Variants in EVL observed in about 807,000 individuals in gnomAD.
EVL encodes the protein ena/VASP-like protein.
A neutral mutation model predicts 59.6 loss-of-function variants in EVL; 21 were observed. The ratio of observed to expected loss-of-function variants is 0.35; its 90% CI spans 0.25 to 0.51. The LOEUF is 0.51. Among genes scored for constraint, EVL ranks in the 20% least tolerant of loss-of-function variants. The pLI is 0.97. For missense variants in EVL, 462 were observed against 546.6 expected (o/e 0.85, Z 1.54); for synonymous variants, 198 against 203.5 (o/e 0.97, Z 0.23).
At chr14:100,068,648 C>T (rs1367658305) in intron 1 of EVL, among the ~76,000 whole-genome samples, 2 of 152,128 alleles carry the variant, frequency 1.3e-5, no homozygotes, top group African/African-American at 4.8e-5. Context: ...CAGGAAGTGC[C>T]GTGGTGCTGT....
chr14:99,974,887 G>T (rs1191030), intron 1 of EVL: 54,602 of 152,374 alleles, frequency 0.36, 13,582 homozygotes, highest in African/African-American at 0.71. Flanking sequence ...AAACTCATTC[G>T]TGAGGGTTGC....
chr14:100,053,076 AC>A (rs1390075721), intron 1 of EVL: 2 of 151,986 alleles, frequency 1.3e-5, no homozygotes, highest in African/African-American at 4.8e-5. Flanking sequence ...TCAGGGCCCT[AC>A]CCTTAGGAGC....
chr14:100,065,476 T>C lies in EVL; in HGVS notation c.-25T>C. Reference sequence around the variant, plus strand: ...GAGTACAGGACTCGCCTCCTCAGGGTTCCCTGTGCTGCCACTTTTCAGCCA... The same window carrying C: ...GAGTACAGGACTCGCCTCCTCAGGGCTCCCTGTGCTGCCACTTTTCAGCCA... On this transcript the variant is annotated 5_prime_UTR_variant, in exon 1 of 14. Coordinates refer to ENST00000392920, the MANE Select transcript of EVL (RefSeq NM_016337.3). The C allele has an allele frequency of 6.6e-7, 1 of 1,504,780 alleles. No homozygotes were observed. Among genetic ancestry groups the C allele is most frequent in the Non-Finnish European group, 9.0e-7 (1 of 1,114,294 alleles). 93.2% of individuals were successfully genotyped at this position (1,504,780 alleles called of 1,614,324 possible).
intron 1 of EVL, among the ~76,000 whole-genome samples, chr14:100,011,512 T>C (rs908384380): frequency 9.2e-5 from 14 of 152,218 alleles, no homozygotes; most frequent in African/African-American, 3.1e-4. Flanking sequence ...CTTTGACACA[T>C]ATATACTAAA....
At chr14:100,004,386 G>T (rs554064278) in intron 1 of EVL, among the ~76,000 whole-genome samples, 1 of 151,892 alleles carries the variant, frequency 6.6e-6, no homozygotes, top group Non-Finnish European at 1.5e-5. Context: ...TGAACTTTGG[G>T]TTAAAAAAAA....
At chr14:100,085,890 G>T (rs997566765) in intron 2 of EVL, among the ~76,000 whole-genome samples, 3 of 152,210 alleles carry the variant, frequency 2.0e-5, no homozygotes, top group Admixed American at 2.0e-4. Context: ...CACTTTGGGA[G>T]GCCAAGGCGG....
rs564717814 is a variant in EVL at position 99,971,655 on chromosome 14, C to T, written c.-398C>T. 6.0e-4 allele frequency: 90 copies of T among 150,682 alleles called. 1 individual carries two copies. The highest frequency in any genetic ancestry group is 2.2e-3 in the African/African-American group (89 of 41,234). The allele number at this position is 150,682 out of a possible 1,614,324, so 9.3% of individuals were successfully genotyped here. A position where few individuals can be genotyped will look rare whatever the true frequency, so the allele number is the denominator to read the frequency against. On this transcript the variant is annotated 5_prime_UTR_variant, in exon 1 of 14. Transcript: ENST00000402714. ...TCTCCCTCGAGGACTCGGAGCCGCC[C>T]GCGCACTCGCCAGGGGCCGCCGCCC...
chr14:99,987,539 G>A (rs1055617704), intron 1 of EVL, among the ~76,000 whole-genome samples: 3 of 152,232 alleles, frequency 2.0e-5, no homozygotes, highest in African/African-American at 7.2e-5. Context: ...CTACTTGGGA[G>A]ACTGAGGAAG....
At chr14:100,050,502 A>G (rs1595095914) in intron 1 of EVL, among the ~76,000 whole-genome samples, 1 of 151,828 alleles carries the variant, frequency 6.6e-6, no homozygotes, top group East Asian at 1.9e-4. Context: ...GGTGCCCGCC[A>G]TCGCACCCAG....
intron 1 of EVL, among the ~76,000 whole-genome samples, chr14:100,027,221 C>T (rs1023462208): frequency 1.3e-5 from 2 of 152,164 alleles, no homozygotes; most frequent in African/African-American, 4.8e-5. Flanking sequence ...GAATGCCCAT[C>T]TCAAGCGTTT....
rs1326756393 is a variant in EVL at position 100,076,473 on chromosome 14, G to A, written c.12-8214G>A. On this transcript the variant is annotated intron_variant, in intron 1 of 13. Coordinates refer to ENST00000392920, the MANE Select transcript of EVL (RefSeq NM_016337.3). ...CCCTGGAGGCGTTCAGTGGTGTGCA[G>A]AGGGACCTAGCATAGACATTGCTGC... Among the ~76,000 whole-genome samples, 5 of 152,344 alleles carry A rather than the reference G, an allele frequency of 3.3e-5. No individual in the cohort carries two copies. The East Asian group carries it at 9.6e-4, about 29-fold the overall frequency.
intron 1 of EVL, among the ~76,000 whole-genome samples, chr14:100,033,341 A>G (rs1439730446): frequency 6.6e-6 from 1 of 152,178 alleles, no homozygotes; most frequent in Non-Finnish European, 1.5e-5. Flanking sequence ...TTTCACAGTA[A>G]TCCTATGAAC....
intron 1 of EVL, among the ~76,000 whole-genome samples, chr14:100,047,841 G>C (rs1208507235): frequency 6.6e-6 from 1 of 152,170 alleles, no homozygotes; most frequent in Non-Finnish European, 1.5e-5. Flanking sequence ...AGTGATGTTT[G>C]ACAAAGGTAA....
chr14:100,119,897 A>G lies in EVL; in HGVS notation c.359-3642A>G, dbSNP rs144408213. 2.6e-4 allele frequency among the ~76,000 whole-genome samples: 39 copies of G among 152,256 alleles called. 1 individual carries two copies. The South Asian group carries it at 3.1e-3, about 12-fold the overall frequency. Reference sequence around the variant, plus strand: ...AGTACCTCATGGGAACAAGACAATTAAGATGTGATCCGCAGACCATCGTTG... The same window carrying G: ...AGTACCTCATGGGAACAAGACAATTGAGATGTGATCCGCAGACCATCGTTG... On this transcript the variant is annotated intron_variant, in intron 3 of 13. Transcript: ENST00000392920.
chr14:100,096,700 ATCT>A (rs1885838391), intron 2 of EVL, among the ~76,000 whole-genome samples: 1 of 152,202 alleles, frequency 6.6e-6, no homozygotes, highest in Non-Finnish European at 1.5e-5. Flanking sequence ...CTTTGAAATA[ATCT>A]TCTTTTAAAT....
chr14:100,074,236 T>A (rs2062113039), intron 1 of EVL, among the ~76,000 whole-genome samples: 1 of 152,126 alleles, frequency 6.6e-6, no homozygotes, highest in Non-Finnish European at 1.5e-5. Context: ...GCCACCTTGT[T>A]TTTCTCGTTA....
In EVL at chr14:99,972,960, T is replaced by A. The variant is rs537137579; in HGVS notation, c.5+903T>A. Among the ~76,000 whole-genome samples the A allele has an allele frequency of 6.6e-6, 1 of 152,358 alleles. No individual in the cohort carries two copies. Among genetic ancestry groups the A allele is most frequent in the African/African-American group, 2.4e-5 (1 of 41,580 alleles). On this transcript the variant is annotated intron_variant, in intron 1 of 13. Transcript: ENST00000402714. This position sits in a 1 kb window ranked among gnomAD's most constrained non-coding sequence, Gnocchi z 4.4. The stretch of plus-strand genomic sequence containing the variant: ...GGTGTTTTTCAAGATGTTTTCGAGA[T>A]CCATTCCGTTGTAATCGTTATTTGT...
intron 1 of EVL, among the ~76,000 whole-genome samples, chr14:100,003,750 A>T (rs2060961021): frequency 6.6e-6 from 1 of 152,160 alleles, no homozygotes; most frequent in African/African-American, 2.4e-5. Context: ...ATTTTTTTTA[A>T]TCTCAGTTTT....
chr14:100,002,901 C>A (rs1442819166), intron 1 of EVL, among the ~76,000 whole-genome samples: 2 of 152,154 alleles, frequency 1.3e-5, no homozygotes, highest in Non-Finnish European at 2.9e-5. Flanking sequence ...AATTAAATTT[C>A]TTTTCCAAAA....
Sources: gnomAD v4.1 joint callset for allele counts (sites outside exome capture counted in the v4.1 genomes callset) on GRCh38, gnomAD v4.1.1 for gene constraint, Gnocchi (gnomAD v3.1) non-coding constraint, MANE v1.5 for transcripts, NCBI Gene and HGNC (gene_info 2026-07-23, HGNC 2026-07-21) for gene names.